AFAP1L1: variants seen among roughly 807,000 people sequenced by gnomAD.
AFAP1L1 encodes actin filament associated protein 1 like 1, also known as actin filament-associated protein 1-like 1.
A neutral mutation model predicts 99.8 loss-of-function variants in AFAP1L1; 77 were observed. The observed-to-expected ratio is 0.77, with a 90% CI of 0.64 to 0.93. The LOEUF is 0.93. AFAP1L1 is among the 40% of genes least tolerant of loss of function. The pLI is 0.00. For missense variants in AFAP1L1, 893 were observed against 996.8 expected (o/e 0.90, Z 1.40); for synonymous variants, 373 against 395.3 (o/e 0.94, Z 0.67).
chr5:149,302,636 A>C, intron 5 of AFAP1L1, 110 bp downstream of exon 5: 3 of 925,366 alleles, frequency 3.2e-6, no homozygotes, highest in Non-Finnish European at 4.8e-6. Flanking sequence ...TCACCCTCCC[A>C]ACCATGTCAC....
chr5:149,309,615 A>G (rs943115517), intron 7 of AFAP1L1, among the ~76,000 whole-genome samples: 33 of 152,222 alleles, frequency 2.2e-4, no homozygotes, highest in African/African-American at 7.5e-4. Flanking sequence ...TTGTCTCCCA[A>G]ATTCCTGCCA....
intron 1 of AFAP1L1, among the ~76,000 whole-genome samples, chr5:149,291,887 C>T (rs1027108527): frequency 1.3e-5 from 2 of 152,214 alleles, no homozygotes; most frequent in African/African-American, 4.8e-5. Context: ...GTAGGCCCTT[C>T]ATAAAACCAC....
Position 149,315,789 on chromosome 5 carries a change from T to C in AFAP1L1, c.1021-32T>C, listed in dbSNP as rs771861232. On this transcript the variant is annotated intron_variant, in intron 9 of 18. Coordinates refer to ENST00000296721, the MANE Select transcript of AFAP1L1 (RefSeq NM_152406.4). ...AATTTGGGTACTTCTGAATGTGCCC[T>C]CTGATGAGGGACTGCCTGTGTCCCT... 3 of 1,603,034 alleles carry C rather than the reference T, an allele frequency of 1.9e-6. No individual in the cohort carries two copies. The East Asian group carries it at 6.7e-5, about 36-fold the overall frequency.
intron 1 of AFAP1L1, among the ~76,000 whole-genome samples, chr5:149,282,717 C>T (rs780244880): frequency 4.6e-5 from 7 of 152,200 alleles, no homozygotes; most frequent in African/African-American, 7.2e-5. Context: ...TGTCCTTTAC[C>T]GAAAAGGTTG....
At position 149,340,370 on chromosome 5, in the gene AFAP1L1, C is replaced by A; in HGVS notation, c.*340C>A. ...TAATGAAAGCACATGTGAATAACCC[C>A]TTCCATCCCATTCACAGCATCGCAC... On this transcript the variant is annotated 3_prime_UTR_variant, in exon 19 of 19. Coordinates refer to ENST00000296721, the MANE Select transcript of AFAP1L1 (RefSeq NM_152406.4). 1 of 243,028 alleles carries A rather than the reference C, an allele frequency of 4.1e-6. No homozygotes were observed. The highest frequency in any genetic ancestry group is 8.9e-5 in the South Asian group (1 of 11,270). 15.1% of individuals were successfully genotyped at this position (243,028 alleles called of 1,614,324 possible). A position where few individuals can be genotyped will look rare whatever the true frequency, so the allele number is the denominator to read the frequency against.
At chr5:149,272,800 TC>T (rs61687200) in intron 1 of AFAP1L1, among the ~76,000 whole-genome samples, 46,870 of 151,864 alleles carry the variant, frequency 0.31, 8,614 homozygotes, top group East Asian at 0.54. Context: ...CCTCCCGGGT[TC>T]AAGCGATTCT....
At chr5:149,306,183 C>G in intron 5 of AFAP1L1, 123 bp from the exon 6 acceptor site, 1 of 725,958 alleles carries the variant, frequency 1.4e-6, no homozygotes, top group Non-Finnish European at 2.3e-6. Flanking sequence ...CTGGCCTGAG[C>G]TGCTCAGAGT....
Position 149,291,524 on chromosome 5 carries a change from C to CAAAA in AFAP1L1, c.17-7962_17-7959dup, listed in dbSNP as rs1229134807. Among the ~76,000 whole-genome samples, 66 of 13,306 alleles carry CAAAA rather than the reference C, an allele frequency of 5.0e-3. 5 individuals carry two copies. Among genetic ancestry groups the CAAAA allele is most frequent in the African/African-American group, 8.2e-3 (36 of 4,388 alleles). 8.7% of individuals were successfully genotyped at this position (13,306 alleles called of 152,430 possible). A position where few individuals can be genotyped will look rare whatever the true frequency, so the allele number is the denominator to read the frequency against. On this transcript the variant is annotated intron_variant, in intron 1 of 18. Coordinates refer to ENST00000296721, the MANE Select transcript of AFAP1L1 (RefSeq NM_152406.4). The stretch of plus-strand genomic sequence containing the variant: ...CGGACAACAGAGCGTGACTCCGTCT[C>CAAAA]AAAAAAAAAAAAAAAAAAAAAAAAA...
intron 14 of AFAP1L1, among the ~76,000 whole-genome samples, chr5:149,322,316 A>C (rs912540551): frequency 6.6e-6 from 1 of 152,198 alleles, no homozygotes; most frequent in South Asian, 2.1e-4. Flanking sequence ...AGTATCGATG[A>C]TAAATCAAAT....
At chr5:149,296,603 G>C (rs1756026615) in intron 1 of AFAP1L1, among the ~76,000 whole-genome samples, 1 of 152,224 alleles carries the variant, frequency 6.6e-6, no homozygotes, top group Non-Finnish European at 1.5e-5. Context: ...GACAGAGAGA[G>C]AATGCGCGTT....
At chr5:149,304,537 C>T (rs1242724192) in intron 5 of AFAP1L1, among the ~76,000 whole-genome samples, 1 of 152,224 alleles carries the variant, frequency 6.6e-6, no homozygotes, top group Non-Finnish European at 1.5e-5. Context: ...GAGAAGACAC[C>T]TCCCAGAAGC....
intron 7 of AFAP1L1, among the ~76,000 whole-genome samples, chr5:149,308,430 A>G (rs535347057): frequency 2.6e-5 from 4 of 152,322 alleles, no homozygotes; most frequent in Non-Finnish European, 4.4e-5. Context: ...CGAATCCCCT[A>G]CAAAACTCAA....
intron 1 of AFAP1L1, among the ~76,000 whole-genome samples, chr5:149,283,197 C>T (rs186367332): frequency 3.9e-5 from 6 of 152,172 alleles, no homozygotes; most frequent in Non-Finnish European, 7.3e-5. Context: ...ATGTCATTGA[C>T]GTGGTTACCA....
At chr5:149,322,468 A>C in intron 14 of AFAP1L1, 138 bp from the exon 15 acceptor site, 1 of 558,922 alleles carries the variant, frequency 1.8e-6, no homozygotes, top group Non-Finnish European at 3.1e-6. Flanking sequence ...ATGATTTTTG[A>C]GTGCTATGCA....
intron 7 of AFAP1L1, among the ~76,000 whole-genome samples, chr5:149,308,932 C>CAAA (rs1354000424): frequency 1.7e-5 from 2 of 118,532 alleles, no homozygotes; most frequent in Non-Finnish European, 1.8e-5. Flanking sequence ...CCGTCTCTAC[C>CAAA]AAAAAAAAAA....
intron 18 of AFAP1L1, among the ~76,000 whole-genome samples, chr5:149,337,058 A>C (rs191314890): frequency 2.5e-4 from 38 of 152,338 alleles, no homozygotes; most frequent in Admixed American, 7.8e-4. Flanking sequence ...TCAAGGAACA[A>C]TCTCTTTTTT....
Position 149,342,377 on chromosome 5 carries a change from G to C in AFAP1L1, c.*2347G>C, listed in dbSNP as rs1231025474. Among the ~76,000 whole-genome samples the C allele has an allele frequency of 6.6e-6, 1 of 152,144 alleles. No individual in the cohort carries two copies. The highest frequency in any genetic ancestry group is 2.1e-4 in the South Asian group (1 of 4,834). On this transcript the variant is annotated 3_prime_UTR_variant, in exon 19 of 19. Transcript: ENST00000296721. The stretch of plus-strand genomic sequence containing the variant: ...CCCATAGTTCTTATATTTACATGCT[G>C]GTGGAGCCAGCATGTGAATATAAGA...
rs1196529995 is a variant in AFAP1L1, at chr5:149,320,642, G to A, written c.1698+179G>A. Among the ~76,000 whole-genome samples the A allele has an allele frequency of 1.3e-5, 2 of 152,250 alleles. No homozygotes were observed. The highest frequency in any genetic ancestry group is 2.9e-5 in the Non-Finnish European group (2 of 68,050). ...AGGATGAGGAATCCCTGGCACAGGA[G>A]GCTGGGTGGTGTGGTGGAAAGAGAC... On this transcript the variant is annotated intron_variant, in intron 14 of 18. Coordinates refer to ENST00000296721, the MANE Select transcript of AFAP1L1 (RefSeq NM_152406.4). This position sits in a 1 kb window ranked among gnomAD's most constrained non-coding sequence, Gnocchi z 4.0.
chr5:149,272,583 C>T (rs1755161791), intron 1 of AFAP1L1, among the ~76,000 whole-genome samples: 1 of 152,212 alleles, frequency 6.6e-6, no homozygotes, highest in East Asian at 1.9e-4. Context: ...GGCACCTTGC[C>T]GACCCTTTTC....
Sources: gnomAD v4.1 joint callset for allele counts (sites outside exome capture counted in the v4.1 genomes callset) on GRCh38, gnomAD v4.1.1 for gene constraint, Gnocchi (gnomAD v3.1) non-coding constraint, MANE v1.5 for transcripts, NCBI Gene and HGNC (gene_info 2026-07-23, HGNC 2026-07-21) for gene names.